The following NUDT19 variants were observed in gnomAD, a reference collection of about 807,000 sequenced individuals.
The protein encoded by NUDT19 is nudix hydrolase 19, also known as acyl-coenzyme A diphosphatase NUDT19.
In NUDT19, 31 loss-of-function variants were observed where a neutral mutation model predicts 22.2. That is an observed-to-expected ratio of 1.40 (90% confidence interval 1.05 to 1.89). The LOEUF (loss-of-function observed/expected upper bound fraction) is 1.89. Among genes scored for constraint, NUDT19 ranks in the 40% most tolerant of loss-of-function variants. The probability of loss-of-function intolerance (pLI) is 0.00; values close to 1 mark genes in which losing one functional copy is unlikely to be tolerated. For missense variants in NUDT19, 752 were observed against 514.2 expected (o/e 1.46, Z -4.47); for synonymous variants, 325 against 230.8 (o/e 1.41, Z -3.70).
At chr19:32,695,033 G>A (rs1968247059) in intron 1 of NUDT19, among the ~76,000 whole-genome samples, 2 of 152,206 alleles carry the variant, frequency 1.3e-5, no homozygotes, top group East Asian at 3.8e-4. Context: ...AACCTGCTGG[G>A]TTAAGGATTT....
At chr19:32,704,924 T>C (rs1425413039) in intron 1 of NUDT19, among the ~76,000 whole-genome samples, 33 of 151,268 alleles carry the variant, frequency 2.2e-4, no homozygotes, top group Admixed American at 1.2e-3. Flanking sequence ...CTGGCCAACA[T>C]GGTGAAACCC....
chr19:32,699,379 T>C (rs6510279), intron 1 of NUDT19, among the ~76,000 whole-genome samples: 91,101 of 152,076 alleles, frequency 0.6, 28,407 homozygotes, highest in East Asian at 0.82. Context: ...CAGAGTTCCA[T>C]TCATGGCTGC....
Position 32,691,958 on chromosome 19 carries a change from G to T in NUDT19, c.-3G>T, listed in dbSNP as rs1341037940. 6.5e-6 allele frequency: 8 copies of T among 1,222,130 alleles called. No individual in the cohort carries two copies. In the East Asian group the frequency reaches 2.6e-4, roughly 40 times the overall value. The allele number at this position is 1,222,130 out of a possible 1,614,324, so 75.7% of individuals were successfully genotyped here. A position where few individuals can be genotyped will look rare whatever the true frequency, so the allele number is the denominator to read the frequency against. On this transcript the variant is annotated 5_prime_UTR_variant, in exon 1 of 3. Coordinates refer to ENST00000397061, the MANE Select transcript of NUDT19 (RefSeq NM_001105570.2). ...CAGAATCGGATCCGGGAAGCTGCGC[G>T]CCATGAGCAGCTCCCTGCGGCCGGG...
intron 1 of NUDT19, among the ~76,000 whole-genome samples, chr19:32,707,796 G>A (rs1409781048): frequency 6.6e-6 from 1 of 151,856 alleles, no homozygotes; most frequent in Non-Finnish European, 1.5e-5. Flanking sequence ...GGTGAACACG[G>A]TGAAACCCCG....
chr19:32,710,578 C>T (rs1015887572), intron 2 of NUDT19, among the ~76,000 whole-genome samples: 2 of 149,898 alleles, frequency 1.3e-5, no homozygotes, highest in South Asian at 2.1e-4. Flanking sequence ...GGCGACAGAG[C>T]GACACTCTCT....
chr19:32,699,151 C>T (rs957810936), intron 1 of NUDT19, among the ~76,000 whole-genome samples: 9 of 152,072 alleles, frequency 5.9e-5, no homozygotes, highest in Admixed American at 3.3e-4. Flanking sequence ...TTGGTGAGCC[C>T]GGGTGTCTAA....
Position 32,692,397 on chromosome 19 carries a change from C to A in NUDT19, c.437C>A (p.Ser146Tyr). Residue 146 changes from serine (S) to tyrosine (Y), a missense_variant, in exon 1 of 3, where the codon TCC (serine) becomes TAC (tyrosine). Transcript: ENST00000397061. ...GTGCTGCTGCTGCGGCCCAGGACTT[C>A]CCCACCAGGCCCAGCACCCGGGCCT... ...AGVLLLRPRT[S>Y]PPGPAPGPGL... The A allele has an allele frequency of 6.3e-7, 1 of 1,575,898 alleles. No homozygotes were observed. The highest frequency in any genetic ancestry group is 2.3e-5 in the East Asian group (1 of 42,632).
At position 32,709,328 on chromosome 19, in the gene NUDT19, AGGACT is replaced by A; in HGVS notation, c.862_866del (p.Leu288LysfsTer11). 6.2e-7 allele frequency: 1 copy of A among 1,614,198 alleles called. No homozygotes were observed. Among genetic ancestry groups the A allele is most frequent in the Non-Finnish European group, 8.5e-7 (1 of 1,180,028 alleles). On this transcript the variant is annotated frameshift_variant, in exon 2 of 3. Coordinates refer to ENST00000397061, the MANE Select transcript of NUDT19 (RefSeq NM_001105570.2). LOFTEE classifies it high-confidence loss of function. ...AATTTTGTTTGGGTCGTGCATTAGA[AGGACT>A]GGAAAGGTGGCTGCCGATCATCTTG...
intron 1 of NUDT19, among the ~76,000 whole-genome samples, chr19:32,702,502 A>C (rs1968346148): frequency 6.6e-6 from 1 of 152,188 alleles, no homozygotes; most frequent in Admixed American, 6.5e-5. Flanking sequence ...GAACCCTCAC[A>C]CAGGTGGAGA....
At position 32,709,374 on chromosome 19, in the gene NUDT19, A is replaced by G. The variant is rs767309152; in HGVS notation, c.904A>G (p.Met302Val). The G allele has an allele frequency of 2.5e-6, 4 of 1,613,910 alleles. No individual in the cohort carries two copies. Among genetic ancestry groups the G allele is most frequent in the Non-Finnish European group, 3.4e-6 (4 of 1,179,820 alleles). ...GATCATCTTGTTAACTGCTGATGGG[A>G]TGGTCCATCTTTTACCAGGTAAACC... ...LPIILLTADGMVHLLPGDELY... is the reference protein window; with the variant it reads ...LPIILLTADGVVHLLPGDELY... Residue 302 changes from methionine to valine, a missense_variant, in exon 2 of 3, where the codon ATG becomes GTG. Transcript: ENST00000397061.
chr19:32,697,375 A>ACTTG (rs1183110435), intron 1 of NUDT19, among the ~76,000 whole-genome samples: 22 of 152,136 alleles, frequency 1.4e-4, no homozygotes, highest in Non-Finnish European at 8.8e-5. Flanking sequence ...ATTGACCCTC[A>ACTTG]AGTGAGTCGG....
chr19:32,700,934 G>A (rs1288306679), intron 1 of NUDT19, among the ~76,000 whole-genome samples: 6 of 151,878 alleles, frequency 4.0e-5, no homozygotes, highest in Non-Finnish European at 8.8e-5. Context: ...CTGTTACTGA[G>A]GAAGCTGAGG....
At chr19:32,703,820 G>A (rs1278383812) in intron 1 of NUDT19, among the ~76,000 whole-genome samples, 1 of 151,462 alleles carries the variant, frequency 6.6e-6, no homozygotes, top group Non-Finnish European at 1.5e-5. Context: ...CCACCACCAT[G>A]CCCAGCTACT....
chr19:32,693,511 G>A (rs1409704447), intron 1 of NUDT19, among the ~76,000 whole-genome samples: 1 of 152,238 alleles, frequency 6.6e-6, no homozygotes, highest in East Asian at 1.9e-4. Flanking sequence ...CACAGCGGAA[G>A]GGGATCAGAG....
rs918926923 is a variant in NUDT19 at position 32,709,497 on chromosome 19, T to G, written c.922+105T>G. On this transcript the variant is annotated intron_variant, in intron 2 of 2. Coordinates refer to ENST00000397061, the MANE Select transcript of NUDT19 (RefSeq NM_001105570.2). ...GAGACAGGAATTACAGTCTGTGTTT[T>G]GTAATCTACAGGGTATTAGCTAAGT... 4 of 894,386 alleles carry G rather than the reference T, an allele frequency of 4.5e-6. No individual in the cohort carries two copies. In the African/African-American group the frequency reaches 6.5e-5, roughly 15 times the overall value. 55.4% of individuals were successfully genotyped at this position (894,386 alleles called of 1,614,324 possible). A position where few individuals can be genotyped will look rare whatever the true frequency, so the allele number is the denominator to read the frequency against.
chr19:32,711,340 G>A (rs1390941421), intron 2 of NUDT19, among the ~76,000 whole-genome samples: 18 of 152,082 alleles, frequency 1.2e-4, no homozygotes, highest in East Asian at 1.9e-4. Flanking sequence ...GCAGACACCT[G>A]TGATCCCAGT....
intron 1 of NUDT19, among the ~76,000 whole-genome samples, chr19:32,696,384 G>A (rs1264109910): frequency 2.3e-5 from 3 of 129,254 alleles, no homozygotes; most frequent in Admixed American, 7.6e-5. Context: ...TACTGTATCA[G>A]TTTCCTTAGG....
In NUDT19 at chr19:32,692,234, G is replaced by T; in HGVS notation, c.274G>T (p.Gly92Cys). 6.3e-7 allele frequency: 1 copy of T among 1,588,728 alleles called. No individual in the cohort carries two copies. Among genetic ancestry groups the T allele is most frequent in the East Asian group, 2.3e-5 (1 of 43,776 alleles). ...CCACGGGCCGCCGCGCTTCGGCCTG[G>T]GCCCGGCGCCATTCAGCCGCACCGC... ...PHHGPPRFGLGPAPFSRTAFP... is the reference protein window; with the variant it reads ...PHHGPPRFGLCPAPFSRTAFP... Residue 92 changes from glycine (G) to cysteine (C), a missense_variant, in exon 1 of 3, where the codon GGC (glycine) becomes TGC (cysteine). Gly to Cys is a radical substitution (Grantham distance 159). Transcript: ENST00000397061.
intron 1 of NUDT19, among the ~76,000 whole-genome samples, chr19:32,707,662 G>A (rs1350842596): frequency 6.6e-6 from 1 of 152,056 alleles, no homozygotes; most frequent in Non-Finnish European, 1.5e-5. Flanking sequence ...GGCCAAGATG[G>A]TGAAATGCCA....
Sources: allele counts gnomAD v4.1 joint callset (sites outside exome capture counted in the v4.1 genomes callset), GRCh38; gene constraint gnomAD v4.1.1; transcripts MANE v1.5; gene names NCBI Gene and HGNC (gene_info 2026-07-23, HGNC 2026-07-21).